The following EGFR variants were observed in gnomAD, a reference collection of about 807,000 sequenced individuals.
EGFR encodes avian erythroblastic leukemia viral (v-erb-b) oncogene homolog.
EGFR carries 58 observed loss-of-function variants against 143.0 expected under a neutral mutation model. That is an observed-to-expected ratio of 0.41 (90% CI 0.33 to 0.50). The LOEUF (loss-of-function observed/expected upper bound fraction) is 0.50. Among genes scored for constraint, EGFR ranks in the 20% least tolerant of loss-of-function variants. The pLI, the probability that EGFR is intolerant of heterozygous loss-of-function variation, is 0.39. For missense variants in EGFR, 1,307 were observed against 1,579.0 expected (o/e 0.83, Z 2.92); for synonymous variants, 613 against 594.4 (o/e 1.03, Z -0.45).
intron 1 of EGFR, among the ~76,000 whole-genome samples, chr7:55,020,570 A>G (rs1371666496): frequency 2.0e-5 from 3 of 151,724 alleles, no homozygotes; most frequent in Non-Finnish European, 4.4e-5. Flanking sequence ...ACACACACAC[A>G]CACACACACA....
chr7:55,047,659 G>A (rs994480056), intron 1 of EGFR, among the ~76,000 whole-genome samples: 2 of 152,180 alleles, frequency 1.3e-5, no homozygotes, highest in Admixed American at 6.5e-5. Context: ...GCTGAGGCAG[G>A]GGAATCACTT....
At position 55,205,515 on chromosome 7, in the gene EGFR, T is replaced by A. The variant is rs756556775; in HGVS notation, c.3531T>A (p.Phe1177Leu). 6.2e-7 allele frequency: 1 copy of A among 1,614,098 alleles called. No individual in the cohort carries two copies. Among genetic ancestry groups the A allele is most frequent in the Middle Eastern group, 1.6e-4 (1 of 6,062 alleles). ...ACCCTGACTACCAGCAGGACTTCTT[T>A]CCCAAGGAAGCCAAGCCAAATGGCA... ...LDNPDYQQDF[F>L]PKEAKPNGIF... The change falls in exon 28 of 28, where the codon TTT becomes TTA. Residue 1177 changes from phenylalanine (F) to leucine (L), a missense_variant. Phe to Leu is a conservative substitution (Grantham distance 22). Around this residue, in one of 7 missense-constraint regions of EGFR, gnomAD observed 313 missense variants for 312.3 expected, o/e 1.00. Coordinates refer to ENST00000275493, the MANE Select transcript of EGFR (RefSeq NM_005228.5).
chr7:55,143,705 T>G (rs1161665354), intron 3 of EGFR, among the ~76,000 whole-genome samples: 1 of 152,146 alleles, frequency 6.6e-6, no homozygotes, highest in African/African-American at 2.4e-5. Flanking sequence ...GGTACCAGTG[T>G]TTACATGGAC....
chr7:55,160,171 A>G lies in EGFR; in HGVS notation c.1331A>G (p.Asn444Ser), dbSNP rs1032006770. The change falls in exon 12 of 28, where the codon AAC becomes AGC. Residue 444 changes from asparagine to serine, a missense_variant. Physicochemically the swap from Asn to Ser is conservative, Grantham distance 46 (BLOSUM62 1). Around this residue, in one of 7 missense-constraint regions of EGFR, gnomAD observed 250 missense variants for 295.1 expected, o/e 0.85. Coordinates refer to ENST00000275493, the MANE Select transcript of EGFR (RefSeq NM_005228.5). ...TTTTCTCTTGCAGTCGTCAGCCTGA[A>G]CATAACATCCTTGGGATTACGCTCC... ...GQFSLAVVSL[N>S]ITSLGLRSLK... is the part of the protein sequence containing the mutation. 43 of 1,614,078 alleles carry G rather than the reference A, an allele frequency of 2.7e-5. No homozygotes were observed. Among genetic ancestry groups the G allele is most frequent in the Non-Finnish European group, 3.3e-5 (39 of 1,180,030 alleles).
rs1399839095 is a variant in EGFR, at chr7:55,209,974, A to T, written c.*4357A>T. On this transcript the variant is annotated 3_prime_UTR_variant, in exon 28 of 28. Transcript: ENST00000275493. ...CACAACCTCATTGGGGAGCTAAGCTAGGTCATTGTCATGGTGAAGAAGAGA... is the reference window on the plus strand; with the variant it reads ...CACAACCTCATTGGGGAGCTAAGCTTGGTCATTGTCATGGTGAAGAAGAGA... 1.3e-5 allele frequency: 2 copies of T among 152,332 alleles called. No homozygotes were observed. The highest frequency in any genetic ancestry group is 3.9e-4 in the East Asian group (2 of 5,180). 9.4% of individuals were successfully genotyped at this position (152,332 alleles called of 1,614,324 possible).
At chr7:55,079,643 G>A (rs1197035508) in intron 1 of EGFR, among the ~76,000 whole-genome samples, 1 of 152,082 alleles carries the variant, frequency 6.6e-6, no homozygotes, top group Non-Finnish European at 1.5e-5. Flanking sequence ...CGTGAAGACA[G>A]GGTCCTTTGC....
chr7:55,181,307 G>A lies in EGFR; in HGVS notation c.2298G>A (p.Met766Ile), dbSNP rs1322818258. The change falls in exon 20 of 28, where the codon ATG becomes ATA. Residue 766 changes from methionine (M) to isoleucine (I), a missense_variant. Coordinates refer to ENST00000275493, the MANE Select transcript of EGFR (RefSeq NM_005228.5). ...NKEILDEAYVMASVDNPHVCR... is the reference protein window; with the variant it reads ...NKEILDEAYVIASVDNPHVCR... ...CCTCCCTCCAGGAAGCCTACGTGAT[G>A]GCCAGCGTGGACAACCCCCACGTGT... is the stretch of plus-strand genomic sequence containing the variant. 6.2e-7 allele frequency: 1 copy of A among 1,614,082 alleles called. No individual in the cohort carries two copies. The highest frequency in any genetic ancestry group is 8.5e-7 in the Non-Finnish European group (1 of 1,180,052).
chr7:55,029,849 A>T (rs1787149695), intron 1 of EGFR, among the ~76,000 whole-genome samples: 1 of 152,220 alleles, frequency 6.6e-6, no homozygotes, highest in Non-Finnish European at 1.5e-5. Context: ...CATCTGTAAA[A>T]TTAAAAACAA....
Position 55,146,614 on chromosome 7 carries a change from C to A in EGFR, c.433C>A (p.His145Asn), listed in dbSNP as rs1198703773. 8.7e-6 allele frequency: 14 copies of A among 1,614,010 alleles called. No individual in the cohort carries two copies. Among genetic ancestry groups the A allele is most frequent in the Non-Finnish European group, 1.2e-5 (14 of 1,180,044 alleles). The change falls in exon 4 of 28, where the codon CAT (histidine) becomes AAT (asparagine). Residue 145 changes from histidine (H) to asparagine (N), a missense_variant. This residue lies in a region of EGFR where 311 missense variants were observed against 412.3 expected (regional missense o/e 0.75). Transcript: ENST00000275493. ...GTTCCATTCTCCCGCAGAAATCCTG[C>A]ATGGCGCCGTGCGGTTCAGCAACAA... ...LPMRNLQEILHGAVRFSNNPA... is the reference protein window; with the variant it reads ...LPMRNLQEILNGAVRFSNNPA...
In EGFR at chr7:55,163,770, C is replaced by T. The variant is rs1488695603; in HGVS notation, c.1669C>T (p.Gln557Ter). 1 of 1,614,108 alleles carries T rather than the reference C, an allele frequency of 6.2e-7. No homozygotes were observed. The highest frequency in any genetic ancestry group is 8.5e-7 in the Non-Finnish European group (1 of 1,180,046). ...GTTTGTGGAGAACTCTGAGTGCATA[C>T]AGTGCCACCCAGAGTGCCTGCCTCA... ...REFVENSECI[Q>*]CHPECLPQAM... Residue 557 changes from glutamine to a stop codon, truncating the protein, a stop_gained, in exon 14 of 28, where the codon CAG (glutamine) becomes TAG (stop). Transcript: ENST00000275493. LOFTEE classifies it high-confidence loss of function.
intron 3 of EGFR, 92 bp downstream of exon 3, chr7:55,143,580 G>A: frequency 6.9e-7 from 1 of 1,441,378 alleles, no homozygotes; most frequent in Non-Finnish European, 9.6e-7. Context: ...TTCCACCTCG[G>A]AGAAGGCTTT....
At position 55,179,077 on chromosome 7, in the gene EGFR, G is replaced by A. The variant is rs140348915; in HGVS notation, c.2284-2216G>A. Reference sequence around the variant, plus strand: ...GACTTGAGTCAACGTAAGAGCAAGTGTGTGCCGGGTGATCCGACACTGCAG... The same window carrying A: ...GACTTGAGTCAACGTAAGAGCAAGTATGTGCCGGGTGATCCGACACTGCAG... On this transcript the variant is annotated intron_variant, in intron 19 of 27. Transcript: ENST00000275493. Among the ~76,000 whole-genome samples, 219 of 152,404 alleles carry A rather than the reference G, an allele frequency of 1.4e-3. 3 individuals are homozygous for A. Among genetic ancestry groups the A allele is most frequent in the African/African-American group, 5.0e-3 (209 of 41,602 alleles).
intron 1 of EGFR, among the ~76,000 whole-genome samples, chr7:55,131,626 C>G (rs1793840786): frequency 6.6e-6 from 1 of 152,152 alleles, no homozygotes; most frequent in Non-Finnish European, 1.5e-5. Flanking sequence ...GCTGCTTCTC[C>G]CCAAGCTACC....
chr7:55,114,935 G>T (rs1275526575), intron 1 of EGFR, among the ~76,000 whole-genome samples: 1 of 143,848 alleles, frequency 7.0e-6, no homozygotes, highest in Admixed American at 7.2e-5. Flanking sequence ...AGGCTGGAGT[G>T]CAATGGTGCG....
intron 19 of EGFR, among the ~76,000 whole-genome samples, chr7:55,179,328 GC>G (rs1786749298): frequency 6.6e-6 from 1 of 152,242 alleles, no homozygotes; most frequent in South Asian, 2.1e-4. Context: ...TGGCCTGGGG[GC>G]GGGACCCAAG....
At chr7:55,099,099 C>T (rs1791650826) in intron 1 of EGFR, among the ~76,000 whole-genome samples, 1 of 152,276 alleles carries the variant, frequency 6.6e-6, no homozygotes. Flanking sequence ...CTAAAACAGC[C>T]CTCTGTGTGC....
At chr7:55,066,712 G>A (rs902066332) in intron 1 of EGFR, among the ~76,000 whole-genome samples, 4 of 152,134 alleles carry the variant, frequency 2.6e-5, no homozygotes, top group African/African-American at 9.7e-5. Context: ...TGTCACCAGG[G>A]GTGCTGTGGA....
At chr7:55,128,682 G>C (rs979780535) in intron 1 of EGFR, among the ~76,000 whole-genome samples, 1 of 152,144 alleles carries the variant, frequency 6.6e-6, no homozygotes, top group Non-Finnish European at 1.5e-5. Flanking sequence ...TATCACTCTA[G>C]TTAGATCTCA....
In EGFR at chr7:55,169,544, G is replaced by A. The variant is rs181203935; in HGVS notation, c.1881-1631G>A. Among the ~76,000 whole-genome samples, 318 of 152,024 alleles carry A rather than the reference G, an allele frequency of 2.1e-3. 3 individuals carry two copies. Among genetic ancestry groups the A allele is most frequent in the Non-Finnish European group, 5.9e-4 (40 of 67,974 alleles). On this transcript the variant is annotated intron_variant, in intron 15 of 27. Transcript: ENST00000275493. The stretch of plus-strand genomic sequence containing the variant: ...ACAAAGTTTAGTTACTGCTATAATT[G>A]CAAATATGTATAAATTCCTTACCAA...
Sources: allele counts gnomAD v4.1 joint callset (sites outside exome capture counted in the v4.1 genomes callset), GRCh38; gene constraint gnomAD v4.1.1; regional missense constraint gnomAD v4.1.1; transcripts MANE v1.5; gene names NCBI Gene and HGNC (gene_info 2026-07-23, HGNC 2026-07-21).